MPV17L: variants seen among roughly 807,000 people sequenced by gnomAD.
MPV17L encodes the protein mpv17-like protein.
A neutral mutation model predicts 25.8 loss-of-function variants in MPV17L; 24 were observed. The ratio of observed to expected loss-of-function variants is 0.93; its 90% CI spans 0.67 to 1.31. The LOEUF is 1.31. MPV17L is among the 50% of genes most tolerant of loss of function. MPV17L has a pLI of 0.00. For missense variants in MPV17L, 250 were observed against 265.6 expected (o/e 0.94, Z 0.41); for synonymous variants, 102 against 115.3 (o/e 0.88, Z 0.74).
intron 1 of MPV17L, among the ~76,000 whole-genome samples, chr16:15,397,290 G>A (rs1408661682): frequency 2.0e-5 from 3 of 152,104 alleles, no homozygotes; most frequent in Non-Finnish European, 2.9e-5. Context: ...AGCTTCTCCC[G>A]GGGTGAAGAC....
chr16:15,407,528 G>A (rs2050691590), intron 2 of MPV17L, among the ~76,000 whole-genome samples: 1 of 151,986 alleles, frequency 6.6e-6, no homozygotes, highest in Non-Finnish European at 1.5e-5. Flanking sequence ...GATCACCTGA[G>A]GTCGGGAGTT....
intron 1 of MPV17L, 131 bp downstream of exon 1, chr16:15,396,338 G>C: frequency 8.2e-7 from 1 of 1,220,454 alleles, no homozygotes; most frequent in Non-Finnish European, 1.1e-6. Context: ...CCGGGGCTCT[G>C]AGACCGGAGC....
chr16:15,396,551 T>A (rs1014682296), intron 1 of MPV17L, among the ~76,000 whole-genome samples: 2 of 151,674 alleles, frequency 1.3e-5, no homozygotes, highest in African/African-American at 4.9e-5. Flanking sequence ...GCTGCGGAGG[T>A]CTTTGCCCCC....
rs2050734620 is a variant in MPV17L, at chr16:15,411,655, A to G, written c.*3543A>G. On this transcript the variant is annotated 3_prime_UTR_variant, in exon 4 of 4. Coordinates refer to ENST00000396385, the MANE Select transcript of MPV17L (RefSeq NM_001128423.2). The stretch of plus-strand genomic sequence containing the variant: ...AGGAGAGAGCAAAAGAGATTTAAAT[A>G]ATAACAATTATAAGAAGGCTGGGCG... The G allele has an allele frequency of 6.6e-6, 1 of 151,902 alleles. No homozygotes were observed. The highest frequency in any genetic ancestry group is 2.1e-4 in the South Asian group (1 of 4,804). 9.4% of individuals were successfully genotyped at this position (151,902 alleles called of 1,614,324 possible). A position where few individuals can be genotyped will look rare whatever the true frequency, so the allele number is the denominator to read the frequency against.
At chr16:15,396,396 TTTGA>T (rs769830680) in intron 1 of MPV17L, among the ~76,000 whole-genome samples, 189 bp downstream of exon 1, 8 of 151,996 alleles carry the variant, frequency 5.3e-5, no homozygotes, top group Non-Finnish European at 2.9e-5. Flanking sequence ...GGCTGGGGTG[TTTGA>T]TTGCGAAAAT....
intron 2 of MPV17L, among the ~76,000 whole-genome samples, 166 bp from the exon 3 acceptor site, chr16:15,407,658 C>A (rs1430028985): frequency 6.6e-6 from 1 of 152,070 alleles, no homozygotes; most frequent in Non-Finnish European, 1.5e-5. Flanking sequence ...ACGACAATTG[C>A]TTGAACCCAG....
At position 15,396,032 on chromosome 16, in the gene MPV17L, G is replaced by A. The variant is rs1297697399; in HGVS notation, c.135G>A (p.Trp45Ter). Residue 45 changes from tryptophan to a stop codon, truncating the protein, a stop_gained, in exon 1 of 4, where the codon TGG (tryptophan) becomes TGA (stop). Coordinates refer to ENST00000396385, the MANE Select transcript of MPV17L (RefSeq NM_001128423.2). LOFTEE classifies it high-confidence loss of function. ...GGCTGCAGGGCCGCGAGGCCAACTG[G>A]CGCCAGACGCGGCGCGTGGCCACGT... ...QQRLQGREAN[W>*]RQTRRVATLV... The A allele has an allele frequency of 6.5e-7, 1 of 1,532,710 alleles. No homozygotes were observed. Among genetic ancestry groups the A allele is most frequent in the East Asian group, 2.5e-5 (1 of 40,322 alleles). 94.9% of individuals were successfully genotyped at this position (1,532,710 alleles called of 1,614,324 possible).
intron 1 of MPV17L, among the ~76,000 whole-genome samples, chr16:15,400,411 C>G (rs1448585366): frequency 1.4e-5 from 2 of 146,214 alleles, no homozygotes; most frequent in Non-Finnish European, 3.0e-5. Flanking sequence ...AGTGCAGTGG[C>G]ATGATCACAG....
In MPV17L at chr16:15,407,818, T is replaced by C. The variant is rs1170476357; in HGVS notation, c.382-6T>C. 3 of 1,599,802 alleles carry C rather than the reference T, an allele frequency of 1.9e-6. No individual in the cohort carries two copies. The highest frequency in any genetic ancestry group is 1.4e-5 in the African/African-American group (1 of 73,750). On this transcript the variant is annotated splice_region_variant and splice_polypyrimidine_tract_variant and intron_variant, in intron 2 of 3. Coordinates refer to ENST00000396385, the MANE Select transcript of MPV17L (RefSeq NM_001128423.2). Reference sequence around the variant, plus strand: ...AGTTGTTGCTTTTTTTTTTTCCCAATTCCAGAGTGGACTGATGTACTGGCC... The same window carrying C: ...AGTTGTTGCTTTTTTTTTTTCCCAACTCCAGAGTGGACTGATGTACTGGCC...
intron 2 of MPV17L, among the ~76,000 whole-genome samples, chr16:15,402,950 G>A (rs535830472): frequency 7.9e-5 from 12 of 152,000 alleles, no homozygotes; most frequent in African/African-American, 2.9e-4. Flanking sequence ...CAAAGTTCTG[G>A]GATTACAGGC....
chr16:15,410,768 T>A lies in MPV17L; in HGVS notation c.*2656T>A, dbSNP rs1017698305. On this transcript the variant is annotated 3_prime_UTR_variant, in exon 4 of 4. Coordinates refer to ENST00000396385, the MANE Select transcript of MPV17L (RefSeq NM_001128423.2). Reference sequence around the variant, plus strand: ...GTTTCTGTAAGTCATAAATATGTAGTTTCCAAGTGGATAATTTACCTGAAT... The same window carrying A: ...GTTTCTGTAAGTCATAAATATGTAGATTCCAAGTGGATAATTTACCTGAAT... The A allele has an allele frequency of 1.3e-5, 2 of 152,238 alleles. No individual in the cohort carries two copies. The highest frequency in any genetic ancestry group is 2.9e-5 in the Non-Finnish European group (2 of 68,050). 9.4% of individuals were successfully genotyped at this position (152,238 alleles called of 1,614,324 possible). A position where few individuals can be genotyped will look rare whatever the true frequency, so the allele number is the denominator to read the frequency against.
intron 2 of MPV17L, among the ~76,000 whole-genome samples, chr16:15,404,809 A>G (rs1414931440): frequency 2.0e-5 from 3 of 152,108 alleles, no homozygotes; most frequent in Non-Finnish European, 2.9e-5. Flanking sequence ...GTGACAGAGC[A>G]AGACTCCATC....
At chr16:15,403,523 A>G (rs1216459821) in intron 2 of MPV17L, among the ~76,000 whole-genome samples, 1 of 151,834 alleles carries the variant, frequency 6.6e-6, no homozygotes, top group Non-Finnish European at 1.5e-5. Context: ...AAATAAAATA[A>G]ATTAGCTGGG....
rs146569200 is a variant in MPV17L at position 15,410,947 on chromosome 16, C to T, written c.*2835C>T. The T allele has an allele frequency of 6.6e-6, 1 of 151,434 alleles. No homozygotes were observed. The highest frequency in any genetic ancestry group is 2.5e-5 in the African/African-American group (1 of 40,802). The allele number at this position is 151,434 out of a possible 1,614,324, so 9.4% of individuals were successfully genotyped here. Reference sequence around the variant, plus strand: ...AAGAAGATACATTTTAACATCAAAACGTAGGCCGGGCACAGTGGCTTACGC... The same window carrying T: ...AAGAAGATACATTTTAACATCAAAATGTAGGCCGGGCACAGTGGCTTACGC... On this transcript the variant is annotated 3_prime_UTR_variant, in exon 4 of 4. Coordinates refer to ENST00000396385, the MANE Select transcript of MPV17L (RefSeq NM_001128423.2).
At position 15,407,587 on chromosome 16, in the gene MPV17L, C is replaced by A. The variant is rs190144901; in HGVS notation, c.382-237C>A. On this transcript the variant is annotated intron_variant, in intron 2 of 3. Transcript: ENST00000396385. The stretch of plus-strand genomic sequence containing the variant: ...TGAAAACCCGTCTCTACTAAAAATA[C>A]AAAAATTAGCCAGGTGAGGTGGTGT... 2.6e-3 allele frequency among the ~76,000 whole-genome samples: 396 copies of A among 151,930 alleles called. 3 individuals are homozygous for A. Among genetic ancestry groups the A allele is most frequent in the African/African-American group, 9.1e-3 (378 of 41,438 alleles).
At position 15,396,146 on chromosome 16, in the gene MPV17L, G is replaced by T; in HGVS notation, c.249G>T (p.Leu83=). Residue 83 remains leucine (L), a synonymous_variant, in exon 1 of 4, where the codon CTG becomes CTT. Coordinates refer to ENST00000396385, the MANE Select transcript of MPV17L (RefSeq NM_001128423.2). ...ALPGRAPHAL[L]AKLLCDQVVG... is the part of the protein sequence containing the mutation. Reference sequence around the variant, plus strand: ...CGGGCCGAGCGCCGCACGCCCTGCTGGCCAAGTTGCTGTGCGACCAGGTGG... The same window carrying T: ...CGGGCCGAGCGCCGCACGCCCTGCTTGCCAAGTTGCTGTGCGACCAGGTGG... 6.5e-7 allele frequency: 1 copy of T among 1,549,562 alleles called. No homozygotes were observed. The highest frequency in any genetic ancestry group is 2.4e-5 in the East Asian group (1 of 41,104).
chr16:15,403,618 G>A (rs1345705023), intron 2 of MPV17L, among the ~76,000 whole-genome samples: 2 of 151,124 alleles, frequency 1.3e-5, no homozygotes, highest in Non-Finnish European at 2.9e-5. Context: ...GCTGCAGTAA[G>A]CTGTGATTGC....
rs1269040984 is a variant in MPV17L at position 15,408,849 on chromosome 16, ATCTCG to A, written c.*738_*742del. The A allele has an allele frequency of 6.6e-6, 1 of 150,860 alleles. No individual in the cohort carries two copies. The highest frequency in any genetic ancestry group is 1.5e-5 in the Non-Finnish European group (1 of 67,728). 9.3% of individuals were successfully genotyped at this position (150,860 alleles called of 1,614,324 possible). A position where few individuals can be genotyped will look rare whatever the true frequency, so the allele number is the denominator to read the frequency against. On this transcript the variant is annotated 3_prime_UTR_variant, in exon 4 of 4. Coordinates refer to ENST00000396385, the MANE Select transcript of MPV17L (RefSeq NM_001128423.2). The stretch of plus-strand genomic sequence containing the variant: ...GCCCAGGCTGGAATGCAGTTGTGAG[ATCTCG>A]GCTCACTGCAAGCTCCGCCTCCCGG...
rs2050705715 is a variant in MPV17L at position 15,408,767 on chromosome 16, T to G, written c.*655T>G. The G allele has an allele frequency of 6.6e-6, 1 of 151,746 alleles. No individual in the cohort carries two copies. The highest frequency in any genetic ancestry group is 2.4e-5 in the African/African-American group (1 of 41,262). The allele number at this position is 151,746 out of a possible 1,614,324, so 9.4% of individuals were successfully genotyped here. A position where few individuals can be genotyped will look rare whatever the true frequency, so the allele number is the denominator to read the frequency against. On this transcript the variant is annotated 3_prime_UTR_variant, in exon 4 of 4. Transcript: ENST00000396385. ...ACAGGCACGTGACACCAGGCCCAGC[T>G]GATTTTTGTATTTTTGTTCATTTGC...
Sources: allele counts gnomAD v4.1 joint callset (sites outside exome capture counted in the v4.1 genomes callset), GRCh38; gene constraint gnomAD v4.1.1; transcripts MANE v1.5; gene names NCBI Gene and HGNC (gene_info 2026-07-23, HGNC 2026-07-21).